MAGI3: variants seen among roughly 807,000 people sequenced by gnomAD.
MAGI3 encodes the protein membrane-associated guanylate kinase, WW and PDZ domain-containing protein 3.
In MAGI3, 43 loss-of-function variants were observed where a neutral mutation model predicts 121.8. The ratio of observed to expected loss-of-function variants is 0.35; its 90% CI spans 0.28 to 0.46. The LOEUF is 0.46. Among genes scored for constraint, MAGI3 ranks in the 20% least tolerant of loss-of-function variants. The pLI is 1.00. For missense variants in MAGI3, 1,547 were observed against 1,797.3 expected, an observed-to-expected ratio of 0.86 and a Z score of 2.52; for synonymous variants, 553 against 639.3, an observed-to-expected ratio of 0.86 and a Z score of 2.04.
intron 4 of MAGI3, among the ~76,000 whole-genome samples, chr1:113,586,699 G>T (rs975792409): frequency 6.6e-6 from 1 of 152,132 alleles, no homozygotes; most frequent in Non-Finnish European, 1.5e-5. Context: ...ACAAAATTAA[G>T]TCTGTTAACA....
chr1:113,644,424 G>A (rs1161069583), intron 11 of MAGI3, among the ~76,000 whole-genome samples: 3 of 152,136 alleles, frequency 2.0e-5, no homozygotes, highest in Non-Finnish European at 4.4e-5. Context: ...GGGACTACAG[G>A]TGCACGCCAC....
chr1:113,450,540 G>A, intron 1 of MAGI3: 15 of 1,025,344 alleles, frequency 1.5e-5, no homozygotes, highest in Non-Finnish European at 2.3e-5. Flanking sequence ...TACAATGAAG[G>A]AGGAAATTTT....
At chr1:113,639,043 C>T (rs1406340618) in intron 9 of MAGI3, among the ~76,000 whole-genome samples, 7 of 152,212 alleles carry the variant, frequency 4.6e-5, no homozygotes, top group South Asian at 2.1e-4. Context: ...GAGCCAGGTG[C>T]GGCATATAAT....
In MAGI3 at chr1:113,594,475, C is replaced by T. The variant is rs749526711; in HGVS notation, c.939-6C>T. On this transcript the variant is annotated splice_region_variant and splice_polypyrimidine_tract_variant and intron_variant, in intron 5 of 20. Transcript: ENST00000307546. ...ACTGTTTCTAATTAAAATCTTTATT[C>T]TACAGCCACAATACCAAGACAACCA... is the stretch of plus-strand genomic sequence containing the variant. 6.2e-7 allele frequency: 1 copy of T among 1,605,530 alleles called. No homozygotes were observed. The highest frequency in any genetic ancestry group is 8.5e-7 in the Non-Finnish European group (1 of 1,176,390).
Position 113,590,472 on chromosome 1 carries a change from G to T in MAGI3, c.764-12G>T, listed in dbSNP as rs759690246. On this transcript the variant is annotated splice_polypyrimidine_tract_variant and intron_variant, in intron 4 of 20. Transcript: ENST00000307546. ...CCCACTTTTCACACCTTTCTGTTTT[G>T]AACAATGGCAGAAAACAGAGAGAGG... is the stretch of plus-strand genomic sequence containing the variant. 1.9e-6 allele frequency: 3 copies of T among 1,612,870 alleles called. No individual in the cohort carries two copies. In the South Asian group the frequency reaches 3.3e-5, roughly 18 times the overall value.
intron 12 of MAGI3, 68 bp from the exon 13 acceptor site, chr1:113,649,169 C>G (rs1653017024): frequency 8.1e-7 from 1 of 1,240,528 alleles, no homozygotes; most frequent in Non-Finnish European, 1.1e-6. Flanking sequence ...CTACTAAATA[C>G]TGAACTTTGT....
intron 6 of MAGI3, among the ~76,000 whole-genome samples, chr1:113,600,801 A>T (rs1420510292): frequency 6.6e-6 from 1 of 152,222 alleles, no homozygotes; most frequent in Admixed American, 6.5e-5. Context: ...TGGAGGCATC[A>T]CACTACCTGA....
chr1:113,415,157 G>T (rs1652232772), intron 1 of MAGI3, among the ~76,000 whole-genome samples: 1 of 152,044 alleles, frequency 6.6e-6, no homozygotes, highest in African/African-American at 2.4e-5. Flanking sequence ...TCTTCTAAGT[G>T]CTTTGCCAGT....
At chr1:113,476,064 G>A (rs573620640) in intron 1 of MAGI3, among the ~76,000 whole-genome samples, 88 of 152,078 alleles carry the variant, frequency 5.8e-4, no homozygotes, top group African/African-American at 2.0e-3. Flanking sequence ...CTGTGGGATC[G>A]GTGGTGATAT....
intron 1 of MAGI3, among the ~76,000 whole-genome samples, chr1:113,517,333 A>T (rs1570788654): frequency 6.8e-6 from 1 of 147,714 alleles, no homozygotes; most frequent in African/African-American, 2.7e-5. Context: ...AGTTTTATTT[A>T]TTTTTTTTAA....
chr1:113,481,866 C>A (rs2101564553), intron 1 of MAGI3, among the ~76,000 whole-genome samples: 1 of 152,212 alleles, frequency 6.6e-6, no homozygotes, highest in Non-Finnish European at 1.5e-5. Flanking sequence ...CAAGATGTCA[C>A]AGGACTATAT....
In MAGI3 at chr1:113,391,546, C is replaced by T. The variant is rs1395789216; in HGVS notation, c.316+197C>T. Among the ~76,000 whole-genome samples the T allele has an allele frequency of 6.6e-6, 1 of 152,118 alleles. No individual in the cohort carries two copies. Among genetic ancestry groups the T allele is most frequent in the Non-Finnish European group, 1.5e-5 (1 of 68,016 alleles). ...TGCCGAAGGGAAAACTGAGCTCTGG[C>T]TTGGCGCGGTTGCTCTGCTAGCTGT... On this transcript the variant is annotated intron_variant, in intron 1 of 20. Transcript: ENST00000307546. The surrounding 1 kb of genome is among the most constrained non-coding windows in gnomAD (Gnocchi z 4.4).
intron 1 of MAGI3, among the ~76,000 whole-genome samples, chr1:113,469,089 T>C (rs1218268771): frequency 2.0e-5 from 3 of 152,186 alleles, no homozygotes. Context: ...CATCTAGGAA[T>C]ACAAGAGTAA....
chr1:113,638,922 C>G (rs1402266294), intron 9 of MAGI3, among the ~76,000 whole-genome samples: 5 of 152,252 alleles, frequency 3.3e-5, no homozygotes, highest in Admixed American at 1.3e-4. Context: ...TTTACCTAAG[C>G]AAGCCTGGGC....
At chr1:113,507,930 G>T (rs1271477040) in intron 1 of MAGI3, among the ~76,000 whole-genome samples, 2 of 152,078 alleles carry the variant, frequency 1.3e-5, no homozygotes, top group Non-Finnish European at 2.9e-5. Context: ...AAGAACTCTG[G>T]CCCTTTTGGG....
chr1:113,410,373 A>G (rs1651910619), intron 1 of MAGI3, among the ~76,000 whole-genome samples: 1 of 152,064 alleles, frequency 6.6e-6, no homozygotes, highest in South Asian at 2.1e-4. Context: ...TCAGGACAAA[A>G]AATTGCTACT....
At chr1:113,632,442 G>C (rs1389183935) in intron 9 of MAGI3, among the ~76,000 whole-genome samples, 1 of 152,046 alleles carries the variant, frequency 6.6e-6, no homozygotes, top group Non-Finnish European at 1.5e-5. Flanking sequence ...AAAGCCATCA[G>C]AACAAATTAA....
chr1:113,622,663 G>C (rs1055005107), intron 8 of MAGI3, 143 bp from the exon 9 acceptor site: 1 of 650,888 alleles, frequency 1.5e-6, no homozygotes, highest in African/African-American at 1.9e-5. Flanking sequence ...AATGGACTCT[G>C]GGTTGAAAGT....
intron 16 of MAGI3, among the ~76,000 whole-genome samples, chr1:113,665,519 A>G (rs1486820491): frequency 6.6e-6 from 1 of 152,222 alleles, no homozygotes; most frequent in Admixed American, 6.5e-5. Context: ...CAAATTATTA[A>G]GCTCCTCCAA....
Sources: gnomAD v4.1 joint callset for allele counts (sites outside exome capture counted in the v4.1 genomes callset) on GRCh38, gnomAD v4.1.1 for gene constraint, Gnocchi (gnomAD v3.1) non-coding constraint, MANE v1.5 for transcripts, NCBI Gene and HGNC (gene_info 2026-07-23, HGNC 2026-07-21) for gene names.